The following FBLN1 variants were observed in gnomAD, a reference collection of about 807,000 sequenced individuals.
FBLN1 encodes the protein fibulin-1.
A neutral mutation model predicts 89.7 loss-of-function variants in FBLN1; 34 were observed. That is an observed-to-expected ratio of 0.38 (90% CI 0.29 to 0.50). FBLN1 has a LOEUF of 0.50. Ranked by LOEUF, FBLN1 falls within the 20% of genes least tolerant of loss-of-function variation. The pLI is 0.92. For synonymous variants in FBLN1, 393 were observed against 391.3 expected, an observed-to-expected ratio of 1.00 and a Z score of -0.05; for missense variants, 777 against 988.1, an observed-to-expected ratio of 0.79 and a Z score of 2.86.
intron 14 of FBLN1, among the ~76,000 whole-genome samples, chr22:45,564,552 G>A (rs910629579): frequency 2.0e-5 from 3 of 152,206 alleles, no homozygotes; most frequent in African/African-American, 7.2e-5. Flanking sequence ...TCCAGCTCAT[G>A]TGCCTGCCTC....
intron 16 of FBLN1, among the ~76,000 whole-genome samples, chr22:45,599,845 A>G (rs2089216323): frequency 6.6e-6 from 1 of 152,112 alleles, no homozygotes; most frequent in Non-Finnish European, 1.5e-5. Flanking sequence ...TGAACCCGGG[A>G]GGTGGACGTT....
intron 1 of FBLN1, among the ~76,000 whole-genome samples, chr22:45,510,132 T>A (rs2088079469): frequency 1.3e-5 from 2 of 152,040 alleles, no homozygotes; most frequent in Admixed American, 6.6e-5. Context: ...GATATTAAAA[T>A]AAAAAACAGA....
chr22:45,591,860 C>T (rs1383094294), intron 16 of FBLN1, among the ~76,000 whole-genome samples: 1 of 114,284 alleles, frequency 8.8e-6, no homozygotes, highest in Non-Finnish European at 1.9e-5. Context: ...AAGTGTCCTG[C>T]ACGCCATTTT....
At chr22:45,568,449 G>A (rs2088917472) in intron 14 of FBLN1, among the ~76,000 whole-genome samples, 1 of 150,504 alleles carries the variant, frequency 6.6e-6, no homozygotes, top group South Asian at 2.1e-4. Context: ...GTAGGGGAGT[G>A]CTCCTTCTGT....
chr22:45,595,473 C>T (rs1211714859), intron 16 of FBLN1, among the ~76,000 whole-genome samples: 3 of 152,142 alleles, frequency 2.0e-5, no homozygotes, highest in South Asian at 2.1e-4. Flanking sequence ...TTCAGCCTAG[C>T]GCCTCCCTTC....
intron 16 of FBLN1, among the ~76,000 whole-genome samples, chr22:45,594,347 C>A (rs1405714180): frequency 1.3e-5 from 2 of 152,202 alleles, no homozygotes; most frequent in Non-Finnish European, 2.9e-5. Context: ...GGGCAGTCCC[C>A]ACCAGATGAG....
At chr22:45,533,733 AC>A in intron 6 of FBLN1, 27 bp from the exon 7 acceptor site, 1 of 1,606,336 alleles carries the variant, frequency 6.2e-7, no homozygotes, top group Non-Finnish European at 8.5e-7. Context: ...CTTGCTGGTC[AC>A]CCCCGCACTG....
At chr22:45,523,255 A>T (rs1253183996) in intron 2 of FBLN1, 2 of 716,282 alleles carry the variant, frequency 2.8e-6, no homozygotes, top group Non-Finnish European at 5.2e-6. Context: ...AGCAACGGCC[A>T]GTCCCAGGGA....
intron 1 of FBLN1, among the ~76,000 whole-genome samples, chr22:45,511,991 G>A (rs985648196): frequency 1.3e-5 from 2 of 152,104 alleles, no homozygotes; most frequent in African/African-American, 2.4e-5. Flanking sequence ...AAACTCCTCC[G>A]AAACAACAGG....
intron 14 of FBLN1, among the ~76,000 whole-genome samples, chr22:45,552,240 T>A (rs1196134870): frequency 6.6e-6 from 1 of 152,174 alleles, no homozygotes; most frequent in Admixed American, 6.5e-5. Context: ...CAGGGGGCTG[T>A]CTGGAGTGGG....
rs890272044 is a variant in FBLN1, at chr22:45,572,135, A to G, written c.1698-2376A>G. ...CAGAGCGAGACTCATCTCAAAAAATATATAAAAATAAAAATAAATGAAAAA... is the reference window on the plus strand; with the variant it reads ...CAGAGCGAGACTCATCTCAAAAAATGTATAAAAATAAAAATAAATGAAAAA... On this transcript the variant is annotated intron_variant, in intron 14 of 16. Coordinates refer to ENST00000327858, the MANE Select transcript of FBLN1 (RefSeq NM_006486.3). The surrounding 1 kb of genome is among the most constrained non-coding windows in gnomAD (Gnocchi z 5.8). 1.3e-5 allele frequency among the ~76,000 whole-genome samples: 2 copies of G among 152,200 alleles called. No individual in the cohort carries two copies.
chr22:45,585,957 C>G (rs1173373867), intron 16 of FBLN1, among the ~76,000 whole-genome samples: 1 of 152,180 alleles, frequency 6.6e-6, no homozygotes, highest in South Asian at 2.1e-4. Flanking sequence ...AGAAGTCACC[C>G]CCGTCACAAA....
intron 16 of FBLN1, among the ~76,000 whole-genome samples, chr22:45,600,035 CT>C (rs1313929795): frequency 6.6e-6 from 1 of 152,250 alleles, no homozygotes; most frequent in East Asian, 1.9e-4. Flanking sequence ...ACACCCACAA[CT>C]TTCCTCCAGG....
chr22:45,542,357 G>A (rs931906343), intron 10 of FBLN1, 74 bp downstream of exon 10: 63 of 1,578,196 alleles, frequency 4.0e-5, no homozygotes, highest in East Asian at 1.8e-4. Flanking sequence ...GTGGCACCTC[G>A]AGTGATGTGG....
chr22:45,599,042 G>A lies in FBLN1; in HGVS notation c.1973-1265G>A, dbSNP rs569704597. ...CCTGGTCGGGGGCCATGGAGATGGC[G>A]GGCCCAGGCTGGGGAGGACTTGTGG... On this transcript the variant is annotated intron_variant, in intron 16 of 16. Transcript: ENST00000327858. Among the ~76,000 whole-genome samples, 18 of 152,192 alleles carry A rather than the reference G, an allele frequency of 1.2e-4. No homozygotes were observed. The East Asian group carries it at 1.9e-3, about 16-fold the overall frequency.
intron 6 of FBLN1, among the ~76,000 whole-genome samples, chr22:45,533,367 C>A (rs2088435617): frequency 6.6e-6 from 1 of 152,208 alleles, no homozygotes; most frequent in Admixed American, 6.5e-5. Context: ...ACAATATAAG[C>A]ACTGGGGTTG....
rs1176086636 is a variant in FBLN1 at position 45,545,974 on chromosome 22, CCT to C, written c.1322-1110_1322-1109del. 4.6e-5 allele frequency among the ~76,000 whole-genome samples: 7 copies of C among 152,062 alleles called. No homozygotes were observed. The highest frequency in any genetic ancestry group is 4.6e-4 in the Admixed American group (7 of 15,276). ...ACCAGTATGGCCAACATCGTGAAAC[CCT>C]GTGTCTACTAAAAATACAAAAATTA... On this transcript the variant is annotated intron_variant, in intron 11 of 16. Transcript: ENST00000327858. The surrounding 1 kb of genome is among the most constrained non-coding windows in gnomAD (Gnocchi z 5.9).
rs760698820 is a variant in FBLN1 at position 45,579,402 on chromosome 22, G to A, written c.1972+2294G>A. 6.6e-6 allele frequency among the ~76,000 whole-genome samples: 1 copy of A among 152,262 alleles called. No homozygotes were observed. Among genetic ancestry groups the A allele is most frequent in the African/African-American group, 2.4e-5 (1 of 41,474 alleles). ...GGTATGAGAGATGATCACAGGTGCC[G>A]TCCCGGCAGCGGGCTTCTGGGAACG... On this transcript the variant is annotated intron_variant, in intron 16 of 16. Coordinates refer to ENST00000327858, the MANE Select transcript of FBLN1 (RefSeq NM_006486.3). The surrounding 1 kb of genome is among the most constrained non-coding windows in gnomAD (Gnocchi z 5.5).
chr22:45,600,649 CTGTT>C lies in FBLN1; in HGVS notation c.*206_*209del. ...TTAAAAAATGAGCCCAGTTGCTCAA[CTGTT>C]TGGTTGAAAACCTTGCTCATTTTTT... On this transcript the variant is annotated 3_prime_UTR_variant, in exon 17 of 17. Transcript: ENST00000327858. The C allele has an allele frequency of 1.2e-5, 8 of 653,110 alleles. No homozygotes were observed. The South Asian group carries it at 1.4e-4, about 11-fold the overall frequency. 40.5% of individuals were successfully genotyped at this position (653,110 alleles called of 1,614,324 possible). A position where few individuals can be genotyped will look rare whatever the true frequency, so the allele number is the denominator to read the frequency against.
Sources: gnomAD v4.1 joint callset for allele counts (sites outside exome capture counted in the v4.1 genomes callset) on GRCh38, gnomAD v4.1.1 for gene constraint, Gnocchi (gnomAD v3.1) non-coding constraint, MANE v1.5 for transcripts, NCBI Gene and HGNC (gene_info 2026-07-23, HGNC 2026-07-21) for gene names.